The following CDH22 variants were observed in gnomAD, a reference collection of about 807,000 sequenced individuals.
CDH22 encodes cadherin 22.
In CDH22, 30 loss-of-function variants were observed where a neutral mutation model predicts 58.4. The observed-to-expected ratio is 0.51, with a 90% CI of 0.38 to 0.70. The LOEUF (loss-of-function observed/expected upper bound fraction) is 0.70. Among genes scored for constraint, CDH22 ranks in the 30% least tolerant of loss-of-function variants. The pLI is 0.00. For synonymous variants in CDH22, 513 were observed against 558.2 expected (o/e 0.92, Z 1.14); for missense variants, 1,014 against 1,233.9 (o/e 0.82, Z 2.67).
At chr20:46,204,196 C>T (rs1010157207) in intron 7 of CDH22, among the ~76,000 whole-genome samples, 9 of 151,880 alleles carry the variant, frequency 5.9e-5, no homozygotes, top group Non-Finnish European at 8.8e-5. Context: ...AGTTTGAGAC[C>T]AGCCTGGCCA....
At chr20:46,250,903 A>C (rs2086367247) in intron 2 of CDH22, 137 bp downstream of exon 2, 2 of 577,824 alleles carry the variant, frequency 3.5e-6, no homozygotes, top group Non-Finnish European at 6.1e-6. Flanking sequence ...GGGCCCCCTT[A>C]TCAGTCCTTG....
At chr20:46,206,871 T>G (rs1408221317) in intron 7 of CDH22, among the ~76,000 whole-genome samples, 1 of 152,214 alleles carries the variant, frequency 6.6e-6, no homozygotes, top group Non-Finnish European at 1.5e-5. Context: ...GCGGAGTTGC[T>G]GCCTAAGCCT....
intron 2 of CDH22, among the ~76,000 whole-genome samples, chr20:46,243,343 ATC>A (rs1309781037): frequency 6.6e-6 from 1 of 152,246 alleles, no homozygotes; most frequent in Admixed American, 6.5e-5. Context: ...ATTAATGGGC[ATC>A]TCTCTCTTTT....
At chr20:46,181,227 A>G (rs2085781823) in intron 10 of CDH22, among the ~76,000 whole-genome samples, 1 of 152,178 alleles carries the variant, frequency 6.6e-6, no homozygotes, top group Admixed American at 6.5e-5. Context: ...TAAACCCACA[A>G]TTTAGTCTAC....
chr20:46,241,242 C>A lies in CDH22; in HGVS notation c.271G>T (p.Asp91Tyr). The A allele has an allele frequency of 1.2e-6, 2 of 1,605,746 alleles. No individual in the cohort carries two copies. Among genetic ancestry groups the A allele is most frequent in the Non-Finnish European group, 1.7e-6 (2 of 1,174,420 alleles). ...TACTTGATGGCCCCGTCACCCTCGTCTGAGTCGGAGTGGATCTGGGTAGGC... is the reference window on the plus strand; with the variant it reads ...TACTTGATGGCCCCGTCACCCTCGTATGAGTCGGAGTGGATCTGGGTAGGC... Reference protein sequence around the residue: ...LYVGKIHSDSDEGDGAIKYTI... With the variant: ...LYVGKIHSDSYEGDGAIKYTI... Residue 91 changes from aspartate to tyrosine, a missense_variant, in exon 3 of 12, where the codon GAC (aspartate) becomes TAC (tyrosine). By Grantham distance (160) the Asp-to-Tyr change is radical. Around this residue, in one of 2 missense-constraint regions of CDH22, gnomAD observed 806 missense variants for 1,038.7 expected, o/e 0.78. Coordinates refer to ENST00000537909, the MANE Select transcript of CDH22 (RefSeq NM_021248.3). The surrounding 1 kb of genome is among the most constrained non-coding windows in gnomAD (Gnocchi z 5.2).
intron 7 of CDH22, among the ~76,000 whole-genome samples, chr20:46,200,259 G>A (rs2085949516): frequency 6.6e-6 from 1 of 151,932 alleles, no homozygotes; most frequent in African/African-American, 2.4e-5. Context: ...ACAGGCGTGA[G>A]CGACCGCGCC....
chr20:46,234,916 A>T (rs907939352), intron 3 of CDH22, among the ~76,000 whole-genome samples: 14 of 152,206 alleles, frequency 9.2e-5, no homozygotes, highest in Admixed American at 9.2e-4. Context: ...TAGGCCTAAT[A>T]TGTGTTTATT....
intron 2 of CDH22, among the ~76,000 whole-genome samples, chr20:46,248,740 C>T (rs547509798): frequency 2.6e-5 from 4 of 152,226 alleles, no homozygotes; most frequent in South Asian, 2.1e-4. Flanking sequence ...TGAACCTGGC[C>T]GAGGAGGTTG....
chr20:46,199,323 A>G, intron 8 of CDH22, 100 bp downstream of exon 8: 1 of 1,394,664 alleles, frequency 7.2e-7, no homozygotes, highest in Non-Finnish European at 9.6e-7. Context: ...TTTGACTGAC[A>G]GGGCTGCCTT....
intron 4 of CDH22, among the ~76,000 whole-genome samples, chr20:46,217,215 C>T (rs1439697830): frequency 6.6e-6 from 1 of 152,068 alleles, no homozygotes; most frequent in African/African-American, 2.4e-5. Context: ...TACACATGCC[C>T]ACACAGATAT....
At chr20:46,192,569 G>C (rs376319947) in intron 8 of CDH22, among the ~76,000 whole-genome samples, 1 of 152,044 alleles carries the variant, frequency 6.6e-6, no homozygotes, top group East Asian at 1.9e-4. Context: ...GAAGGAGAGT[G>C]GGGGGTGGAG....
At chr20:46,271,456 A>G (rs959339095) in intron 1 of CDH22, among the ~76,000 whole-genome samples, 3 of 152,120 alleles carry the variant, frequency 2.0e-5, no homozygotes, top group African/African-American at 7.2e-5. Flanking sequence ...AAAACCAAGC[A>G]CATACCTCCC....
chr20:46,177,878 AG>A lies in CDH22; in HGVS notation c.1915+67del, dbSNP rs2085751992. On this transcript the variant is annotated intron_variant, in intron 11 of 11. Coordinates refer to ENST00000537909, the MANE Select transcript of CDH22 (RefSeq NM_021248.3). ...AGCTGAGGCCCCATGGGGGCTGGTT[AG>A]GAAGGAAACCCAGGACGCCAGGATG... 5 of 1,575,180 alleles carry A rather than the reference AG, an allele frequency of 3.2e-6. No individual in the cohort carries two copies. The East Asian group carries it at 1.1e-4, about 35-fold the overall frequency.
At position 46,199,513 on chromosome 20, in the gene CDH22, C is replaced by G. The variant is rs958353303; in HGVS notation, c.1333G>C (p.Asp445His). The change falls in exon 8 of 12, where the codon GAT becomes CAT. Residue 445 changes from aspartate (D) to histidine (H), a missense_variant. Transcript: ENST00000537909. The part of the protein sequence containing the change: ...ESDLDQIFDI[D>H]ADTGAIVTGK... The stretch of plus-strand genomic sequence containing the variant: ...GTCACGATGGCGCCTGTGTCCGCAT[C>G]GATATCGAAGATCTGGTCCAAATCT... 2.5e-6 allele frequency: 4 copies of G among 1,613,916 alleles called. No homozygotes were observed. Among genetic ancestry groups the G allele is most frequent in the Non-Finnish European group, 3.4e-6 (4 of 1,179,984 alleles).
rs372431950 is a variant in CDH22, at chr20:46,186,698, T to C, written c.1553A>G (p.Gln518Arg). The C allele has an allele frequency of 7.4e-6, 12 of 1,613,636 alleles. No individual in the cohort carries two copies. The East Asian group carries it at 2.7e-4, about 36-fold the overall frequency. ...CEDAKPGQLI[Q>R]TISVVDRDEP... ...GTCTCTGTCCACCACGCTGATGGTC[T>C]GGATGAGCTGAAGGGTGAGGAGGGG... The change falls in exon 10 of 12, where the codon CAG (glutamine) becomes CGG (arginine). Residue 518 changes from glutamine (Q) to arginine (R), a missense_variant. By Grantham distance (43) the Gln-to-Arg change is conservative. Transcript: ENST00000537909.
chr20:46,275,413 GC>G (rs1600724128), intron 1 of CDH22, among the ~76,000 whole-genome samples: 1 of 152,192 alleles, frequency 6.6e-6, no homozygotes, highest in Admixed American at 6.5e-5. Context: ...TAAAATCACA[GC>G]CCCTCTCCAA....
chr20:46,293,634 C>A (rs1368529525), intron 1 of CDH22, among the ~76,000 whole-genome samples: 5 of 152,180 alleles, frequency 3.3e-5, no homozygotes, highest in African/African-American at 4.8e-5. Flanking sequence ...GAAACCAGAT[C>A]TCAGTTCCTG....
chr20:46,219,401 A>G (rs1278764837), intron 4 of CDH22, among the ~76,000 whole-genome samples: 3 of 152,208 alleles, frequency 2.0e-5, no homozygotes, highest in African/African-American at 7.2e-5. Flanking sequence ...TATCTGTAAA[A>G]TGGGACAACC....
chr20:46,248,678 C>G (rs1600715893), intron 2 of CDH22, among the ~76,000 whole-genome samples: 1 of 152,044 alleles, frequency 6.6e-6, no homozygotes, highest in African/African-American at 2.4e-5. Context: ...CAAAAATTAG[C>G]TGGGCATGGT....
Sources: gnomAD v4.1 joint callset for allele counts (sites outside exome capture counted in the v4.1 genomes callset) on GRCh38, gnomAD v4.1.1 for gene constraint, gnomAD v4.1.1 regional missense constraint, Gnocchi (gnomAD v3.1) non-coding constraint, MANE v1.5 for transcripts, NCBI Gene and HGNC (gene_info 2026-07-23, HGNC 2026-07-21) for gene names.